Variants in CHCHD6 observed in about 807,000 individuals in gnomAD.
CHCHD6 encodes the protein coiled-coil-helix-coiled-coil-helix domain containing 6.
CHCHD6 carries 28 observed loss-of-function variants against 32.3 expected under a neutral mutation model. That is an observed-to-expected ratio of 0.87 (90% CI 0.64 to 1.19). CHCHD6 has a LOEUF of 1.19. CHCHD6 is among the 50% of genes most tolerant of loss of function. CHCHD6 has a pLI of 0.00. For missense variants in CHCHD6, 333 were observed against 307.0 expected, an observed-to-expected ratio of 1.08 and a Z score of -0.63; for synonymous variants, 122 against 117.5, an observed-to-expected ratio of 1.04 and a Z score of -0.25.
At chr3:126,718,994 G>A (rs945950594) in intron 1 of CHCHD6, among the ~76,000 whole-genome samples, 5 of 152,216 alleles carry the variant, frequency 3.3e-5, no homozygotes, top group African/African-American at 7.2e-5. Flanking sequence ...AAACCAAGTC[G>A]TGTGGTTCCA....
chr3:126,735,757 A>C (rs1190817979), intron 4 of CHCHD6, among the ~76,000 whole-genome samples: 1 of 152,228 alleles, frequency 6.6e-6, no homozygotes, highest in Admixed American at 6.5e-5. Context: ...CTTTCAGGGT[A>C]CCATTGGTTT....
At chr3:126,937,547 A>G (rs955106155) in intron 6 of CHCHD6, among the ~76,000 whole-genome samples, 1 of 152,196 alleles carries the variant, frequency 6.6e-6, no homozygotes, top group Non-Finnish European at 1.5e-5. Context: ...AAGTCATTCT[A>G]TCTGCTTAAG....
intron 4 of CHCHD6, among the ~76,000 whole-genome samples, chr3:126,742,374 A>G (rs994779769): frequency 6.6e-6 from 1 of 151,946 alleles, no homozygotes; most frequent in Non-Finnish European, 1.5e-5. Flanking sequence ...GGCCCAATAG[A>G]CCTGTGGGCT....
intron 1 of CHCHD6, among the ~76,000 whole-genome samples, chr3:126,716,308 C>CGT (rs1935014034): frequency 6.6e-6 from 1 of 152,210 alleles, no homozygotes; most frequent in South Asian, 2.1e-4. Flanking sequence ...TCATGCCACA[C>CGT]CTCTCTCTGG....
At chr3:126,892,601 A>G (rs2077778816) in intron 5 of CHCHD6, among the ~76,000 whole-genome samples, 1 of 152,220 alleles carries the variant, frequency 6.6e-6, no homozygotes, top group Non-Finnish European at 1.5e-5. Flanking sequence ...GCCCACGTCC[A>G]GCTTTCAAGA....
At chr3:126,728,975 G>A (rs1435165627) in intron 2 of CHCHD6, among the ~76,000 whole-genome samples, 1 of 151,982 alleles carries the variant, frequency 6.6e-6, no homozygotes, top group Non-Finnish European at 1.5e-5. Flanking sequence ...TTTAGTGATG[G>A]AACAAAGTTA....
At chr3:126,786,280 A>G (rs984976653) in intron 4 of CHCHD6, among the ~76,000 whole-genome samples, 3 of 152,224 alleles carry the variant, frequency 2.0e-5, no homozygotes, top group Non-Finnish European at 4.4e-5. Flanking sequence ...TGGTGCCGCA[A>G]TAAACATACA....
chr3:126,764,224 T>TAA (rs35908899), intron 4 of CHCHD6, among the ~76,000 whole-genome samples: 61 of 144,014 alleles, frequency 4.2e-4, no homozygotes, highest in Non-Finnish European at 5.2e-4. Context: ...TATATATATA[T>TAA]AAATATATGA....
intron 4 of CHCHD6, among the ~76,000 whole-genome samples, chr3:126,791,951 C>A (rs560316470): frequency 2.4e-4 from 37 of 152,326 alleles, no homozygotes; most frequent in African/African-American, 8.2e-4. Context: ...CTAGTTACTT[C>A]ATATAAGTAG....
At chr3:126,824,522 C>T (rs994808259) in intron 4 of CHCHD6, among the ~76,000 whole-genome samples, 25 of 123,880 alleles carry the variant, frequency 2.0e-4, no homozygotes, top group African/African-American at 7.5e-4. Context: ...GATCAAGCCA[C>T]TGCACTCCAG....
At chr3:126,756,928 A>T (rs1034366072) in intron 4 of CHCHD6, among the ~76,000 whole-genome samples, 1 of 152,230 alleles carries the variant, frequency 6.6e-6, no homozygotes, top group Non-Finnish European at 1.5e-5. Flanking sequence ...TAAGGCAAGA[A>T]TCACATCATG....
At chr3:126,784,073 T>C (rs1266926328) in intron 4 of CHCHD6, among the ~76,000 whole-genome samples, 1 of 152,136 alleles carries the variant, frequency 6.6e-6, no homozygotes, top group Non-Finnish European at 1.5e-5. Flanking sequence ...GGAGAACTCT[T>C]GACAGCTGCC....
At chr3:126,831,648 C>T (rs559993991) in intron 4 of CHCHD6, among the ~76,000 whole-genome samples, 2 of 152,170 alleles carry the variant, frequency 1.3e-5, no homozygotes, top group Admixed American at 1.3e-4. Flanking sequence ...CGGTTGGACT[C>T]AGAAGATGGG....
chr3:126,706,445 G>A (rs909963926), intron 1 of CHCHD6, among the ~76,000 whole-genome samples: 2 of 152,112 alleles, frequency 1.3e-5, no homozygotes, highest in African/African-American at 4.8e-5. Context: ...CCCCCATGAT[G>A]TATGCAAGGC....
Position 126,932,050 on chromosome 3 carries a change from C to T in CHCHD6, c.566+17300C>T, listed in dbSNP as rs569239797. On this transcript the variant is annotated intron_variant, in intron 6 of 7. Transcript: ENST00000290913. ...ACACAGGTTTCACCCTGCAGGCACCCGAAGTTCAGAATCACTGAGGCGGAT... is the reference window on the plus strand; with the variant it reads ...ACACAGGTTTCACCCTGCAGGCACCTGAAGTTCAGAATCACTGAGGCGGAT... Among the ~76,000 whole-genome samples the T allele has an allele frequency of 5.3e-5, 8 of 152,308 alleles. No individual in the cohort carries two copies. The South Asian group carries it at 1.7e-3, about 32-fold the overall frequency.
At chr3:126,806,599 G>A (rs540752376) in intron 4 of CHCHD6, among the ~76,000 whole-genome samples, 1 of 152,284 alleles carries the variant, frequency 6.6e-6, no homozygotes, top group Admixed American at 6.5e-5. Flanking sequence ...CACTGTTGGT[G>A]GGACTGTAAA....
At chr3:126,838,110 T>C (rs79489759) in intron 4 of CHCHD6, among the ~76,000 whole-genome samples, 4,355 of 152,296 alleles carry the variant, frequency 0.029, 94 homozygotes, top group African/African-American at 0.061. Flanking sequence ...GCCTTCAGAA[T>C]GAGACTAATT....
chr3:126,893,291 T>TA (rs1487152377), intron 5 of CHCHD6, among the ~76,000 whole-genome samples: 1 of 152,246 alleles, frequency 6.6e-6, no homozygotes, highest in African/African-American at 2.4e-5. Context: ...GAGTGATCTC[T>TA]AGGCTTTGAA....
intron 6 of CHCHD6, among the ~76,000 whole-genome samples, chr3:126,950,744 C>G (rs2078704457): frequency 6.6e-6 from 1 of 151,930 alleles, no homozygotes; most frequent in African/African-American, 2.4e-5. Context: ...GCCATTGCAC[C>G]TGGCCTGCAC....
Sources: gnomAD v4.1 joint callset for allele counts (sites outside exome capture counted in the v4.1 genomes callset) on GRCh38, gnomAD v4.1.1 for gene constraint, MANE v1.5 for transcripts, NCBI Gene and HGNC (gene_info 2026-07-23, HGNC 2026-07-21) for gene names.